Variants in GRM5 observed in about 807,000 individuals in gnomAD.
GRM5 encodes metabotropic glutamate receptor 5.
GRM5 carries 19 observed loss-of-function variants against 83.1 expected under a neutral mutation model. The observed-to-expected ratio is 0.23, with a 90% confidence interval of 0.16 to 0.34. GRM5 has a LOEUF of 0.34. Among genes scored for constraint, GRM5 ranks in the 10% least tolerant of loss-of-function variants. The pLI is 1.00. For synonymous variants in GRM5, 675 were observed against 633.6 expected (o/e 1.07, Z -0.98); for missense variants, 1,160 against 1,588.3 (o/e 0.73, Z 4.58).
At chr11:88,796,781 G>A (rs180678073) in intron 3 of GRM5, among the ~76,000 whole-genome samples, 2 of 152,124 alleles carry the variant, frequency 1.3e-5, no homozygotes, top group South Asian at 2.1e-4. Context: ...TTTGTCACAA[G>A]TTGACTTCTG....
Position 88,565,883 on chromosome 11 carries a change from A to T in GRM5, c.2630+1170T>A, listed in dbSNP as rs543324344. ...GTAAACGAATTGGACCTTGTGGATA[A>T]AATTCAACTATCCTCTGATTTATTT... On this transcript the variant is annotated intron_variant, in intron 8 of 9. Transcript: ENST00000305447. Among the ~76,000 whole-genome samples, 5 of 152,350 alleles carry T rather than the reference A, an allele frequency of 3.3e-5. No individual in the cohort carries two copies. The East Asian group carries it at 9.6e-4, about 29-fold the overall frequency.
chr11:88,744,655 C>T (rs537839727), intron 3 of GRM5, among the ~76,000 whole-genome samples: 32 of 152,220 alleles, frequency 2.1e-4, no homozygotes, highest in African/African-American at 4.6e-4. Context: ...AATGGTAGGG[C>T]GTGTCCTACT....
At chr11:88,723,907 G>T (rs558061464) in intron 3 of GRM5, among the ~76,000 whole-genome samples, 6 of 152,024 alleles carry the variant, frequency 3.9e-5, no homozygotes, top group Non-Finnish European at 7.4e-5. Flanking sequence ...GGGAGTACAT[G>T]TGCATGTTGC....
At chr11:88,653,831 A>G (rs1939698091) in intron 3 of GRM5, among the ~76,000 whole-genome samples, 1 of 152,130 alleles carries the variant, frequency 6.6e-6, no homozygotes, top group Non-Finnish European at 1.5e-5. Context: ...AAGAATTAAA[A>G]ATATTCTCCA....
intron 2 of GRM5, among the ~76,000 whole-genome samples, chr11:88,925,992 T>C (rs1017923530): frequency 2.6e-5 from 4 of 152,158 alleles, no homozygotes; most frequent in African/African-American, 7.2e-5. Context: ...GGCAGCTAGG[T>C]ACACTCTTAA....
intron 3 of GRM5, among the ~76,000 whole-genome samples, chr11:88,797,357 G>A (rs1192986664): frequency 6.6e-6 from 1 of 152,080 alleles, no homozygotes; most frequent in Non-Finnish European, 1.5e-5. Context: ...GATCAGGCTG[G>A]TCTTGAACTC....
chr11:88,710,325 T>C (rs1941255352), intron 3 of GRM5, among the ~76,000 whole-genome samples: 1 of 152,124 alleles, frequency 6.6e-6, no homozygotes, highest in South Asian at 2.1e-4. Flanking sequence ...AAATATTTTA[T>C]TGAAGCCCCT....
At position 88,508,635 on chromosome 11, in the gene GRM5, G is replaced by C; in HGVS notation, c.3596C>G (p.Thr1199Ser). ...CTGAGTGTAATCTCTTATGATAAGA[G>C]TGTCATATTTGGGAGACGACGGGAT... Reference protein sequence around the residue: ...LCIPSSPKYDTLIIRDYTQSS... With the variant: ...LCIPSSPKYDSLIIRDYTQSS... Residue 1199 changes from threonine (T) to serine (S), a missense_variant, in exon 10 of 10, where the codon ACT becomes AGT. This residue lies in a region of GRM5 where 562 missense variants were observed against 532.4 expected (regional missense o/e 1.06). Transcript: ENST00000305447. This position sits in a 1 kb window ranked among gnomAD's most constrained non-coding sequence, Gnocchi z 4.2. 6.2e-7 allele frequency: 1 copy of C among 1,610,222 alleles called. No homozygotes were observed. Among genetic ancestry groups the C allele is most frequent in the East Asian group, 2.3e-5 (1 of 44,156 alleles).
rs767620116 is a variant in GRM5, at chr11:88,719,563, T to C, written c.912-66160A>G. Among the ~76,000 whole-genome samples the C allele has an allele frequency of 2.8e-4, 43 of 152,106 alleles. 1 individual carries two copies. Among genetic ancestry groups the C allele is most frequent in the Non-Finnish European group, 6.2e-4 (42 of 68,010 alleles). ...TTTATAACAGAATAATTTACATATT[T>C]TGGGGTATATACCCAGTAATGGGAT... On this transcript the variant is annotated intron_variant, in intron 3 of 9. Transcript: ENST00000305447.
chr11:88,956,309 G>A (rs1938610467), intron 2 of GRM5, among the ~76,000 whole-genome samples: 1 of 152,200 alleles, frequency 6.6e-6, no homozygotes, highest in Non-Finnish European at 1.5e-5. Context: ...CTTAGTGATA[G>A]ACGATATTTA....
At position 88,903,607 on chromosome 11, in the gene GRM5, GA is replaced by G. The variant is rs541208087; in HGVS notation, c.662-53453del. Among the ~76,000 whole-genome samples the G allele has an allele frequency of 5.3e-5, 8 of 152,240 alleles. No individual in the cohort carries two copies. In the South Asian group the frequency reaches 1.7e-3, roughly 32 times the overall value. ...CATGTCTTTTGCAGCAATGAGGATG[GA>G]ACAGGAGGCCATTATCTTAAGTAAA... On this transcript the variant is annotated intron_variant, in intron 2 of 9. Coordinates refer to ENST00000305447, the MANE Select transcript of GRM5 (RefSeq NM_001143831.3).
intron 2 of GRM5, among the ~76,000 whole-genome samples, chr11:88,907,699 T>A (rs1414779086): frequency 6.6e-6 from 1 of 152,162 alleles, no homozygotes; most frequent in Admixed American, 6.6e-5. Context: ...TCAAGCAGGA[T>A]TAGATCCCAG....
chr11:88,586,996 A>G (rs1943328819), intron 7 of GRM5, among the ~76,000 whole-genome samples: 1 of 152,166 alleles, frequency 6.6e-6, no homozygotes, highest in African/African-American at 2.4e-5. Context: ...CCATCATTTT[A>G]CTGGAGGTTG....
intron 3 of GRM5, among the ~76,000 whole-genome samples, chr11:88,820,918 T>A (rs1943778693): frequency 6.6e-6 from 1 of 152,184 alleles, no homozygotes; most frequent in Admixed American, 6.5e-5. Context: ...CTGATGAAAG[T>A]GATTTTCTTT....
intron 4 of GRM5, among the ~76,000 whole-genome samples, chr11:88,628,555 C>G (rs1003914274): frequency 6.6e-6 from 1 of 152,134 alleles, no homozygotes; most frequent in African/African-American, 2.4e-5. Context: ...TGGATCTATT[C>G]CAAAATAAAT....
intron 2 of GRM5, among the ~76,000 whole-genome samples, chr11:88,909,199 T>A (rs543044418): frequency 4.5e-4 from 68 of 152,218 alleles, no homozygotes; most frequent in African/African-American, 1.5e-3. Context: ...TTGTGGGAAA[T>A]AGATGATTTA....
At chr11:89,042,403 A>C (rs1030927243) in intron 2 of GRM5, among the ~76,000 whole-genome samples, 7 of 152,168 alleles carry the variant, frequency 4.6e-5, no homozygotes, top group African/African-American at 1.7e-4. Flanking sequence ...CTCTGCAACT[A>C]ATTATCTGAC....
intron 2 of GRM5, among the ~76,000 whole-genome samples, chr11:88,875,859 G>C (rs534335379): frequency 6.6e-6 from 1 of 152,158 alleles, no homozygotes; most frequent in East Asian, 1.9e-4. Flanking sequence ...ATTCAGCAGA[G>C]CATTCTATAA....
intron 2 of GRM5, among the ~76,000 whole-genome samples, chr11:88,875,578 T>A (rs909201781): frequency 2.6e-5 from 4 of 152,074 alleles, no homozygotes; most frequent in African/African-American, 9.7e-5. Context: ...CCAGAGATTT[T>A]CAATTTACTT....
Sources: allele counts gnomAD v4.1 joint callset (sites outside exome capture counted in the v4.1 genomes callset), GRCh38; gene constraint gnomAD v4.1.1; regional missense constraint gnomAD v4.1.1; non-coding constraint Gnocchi (gnomAD v3.1); transcripts MANE v1.5; gene names NCBI Gene and HGNC (gene_info 2026-07-23, HGNC 2026-07-21).